Variants in ARHGAP42 observed in about 807,000 individuals in gnomAD.
ARHGAP42 encodes rho GTPase-activating protein 42.
ARHGAP42 carries 63 observed loss-of-function variants against 125.0 expected under a neutral mutation model. That is an observed-to-expected ratio of 0.50 (90% confidence interval 0.41 to 0.62). The LOEUF (loss-of-function observed/expected upper bound fraction) is 0.62. ARHGAP42 is among the 20% of genes least tolerant of loss of function. The probability of loss-of-function intolerance (pLI) is 0.00; values close to 1 mark genes in which losing one functional copy is unlikely to be tolerated. For missense variants in ARHGAP42, 766 were observed against 1,024.2 expected, an observed-to-expected ratio of 0.75 and a Z score of 3.44; for synonymous variants, 339 against 351.0, an observed-to-expected ratio of 0.97 and a Z score of 0.38.
chr11:100,922,036 T>C (rs1206740706), intron 6 of ARHGAP42, among the ~76,000 whole-genome samples: 1 of 152,176 alleles, frequency 6.6e-6, no homozygotes, highest in East Asian at 1.9e-4. Context: ...AACTTCATTC[T>C]TTCCACTCAT....
At chr11:100,768,152 T>TA (rs1452254497) in intron 1 of ARHGAP42, among the ~76,000 whole-genome samples, 2 of 152,112 alleles carry the variant, frequency 1.3e-5, no homozygotes, top group Non-Finnish European at 2.9e-5. Context: ...TTGACATTTG[T>TA]AAAAAAGGTA....
At chr11:100,910,503 A>C (rs1287363053) in intron 4 of ARHGAP42, among the ~76,000 whole-genome samples, 1 of 152,130 alleles carries the variant, frequency 6.6e-6, no homozygotes, top group East Asian at 1.9e-4. Context: ...GAAAACAGTG[A>C]TCATGAACAG....
chr11:100,857,732 C>G (rs1865354079), intron 3 of ARHGAP42, among the ~76,000 whole-genome samples: 1 of 152,084 alleles, frequency 6.6e-6, no homozygotes, highest in African/African-American at 2.4e-5. Flanking sequence ...TGATTCCTCT[C>G]TCTTTCTCCC....
chr11:100,883,224 A>G (rs1297351228), intron 4 of ARHGAP42, among the ~76,000 whole-genome samples: 1 of 152,136 alleles, frequency 6.6e-6, no homozygotes, highest in Admixed American at 6.5e-5. Flanking sequence ...ATCTTTGTAC[A>G]TGCCAGTGTT....
chr11:100,975,940 T>A, intron 19 of ARHGAP42, 117 bp from the exon 20 acceptor site: 3 of 1,197,418 alleles, frequency 2.5e-6, no homozygotes, highest in Non-Finnish European at 3.4e-6. Flanking sequence ...CCTACCACTT[T>A]AATGGGGTCA....
At chr11:100,775,068 A>C (rs1863086140) in intron 2 of ARHGAP42, among the ~76,000 whole-genome samples, 1 of 151,918 alleles carries the variant, frequency 6.6e-6, no homozygotes. Flanking sequence ...TCAAGAGGCC[A>C]TTGCCCTCCC....
intron 4 of ARHGAP42, among the ~76,000 whole-genome samples, chr11:100,888,479 A>T (rs571542255): frequency 4.7e-4 from 71 of 152,258 alleles, no homozygotes; most frequent in African/African-American, 1.4e-3. Context: ...ATATATGTTT[A>T]TGTGTATATT....
At chr11:100,910,188 C>T (rs966574278) in intron 4 of ARHGAP42, among the ~76,000 whole-genome samples, 1 of 152,100 alleles carries the variant, frequency 6.6e-6, no homozygotes, top group Non-Finnish European at 1.5e-5. Context: ...TTTATTTAGA[C>T]AGTAGTTGCC....
chr11:100,940,177 A>G (rs534098123), intron 8 of ARHGAP42, among the ~76,000 whole-genome samples: 1 of 152,316 alleles, frequency 6.6e-6, no homozygotes, highest in South Asian at 2.1e-4. Context: ...TGGCTTAAGT[A>G]TTAAACTCGA....
At chr11:100,730,437 GA>G (rs1821196896) in intron 1 of ARHGAP42, among the ~76,000 whole-genome samples, 1 of 152,220 alleles carries the variant, frequency 6.6e-6, no homozygotes, top group South Asian at 2.1e-4. Context: ...CTCTGACCAA[GA>G]ATGACCTCTT....
At chr11:100,894,879 C>T (rs1282126751) in intron 4 of ARHGAP42, among the ~76,000 whole-genome samples, 3 of 152,132 alleles carry the variant, frequency 2.0e-5, no homozygotes, top group Non-Finnish European at 2.9e-5. Context: ...ATATTCCTAC[C>T]GGTCGATGAC....
At chr11:100,859,458 A>G in intron 3 of ARHGAP42, 96 bp from the exon 4 acceptor site, 1 of 1,002,924 alleles carries the variant, frequency 1.0e-6, no homozygotes, top group Non-Finnish European at 1.4e-6. Context: ...AAAAACAAAA[A>G]CAGTCTATTT....
intron 6 of ARHGAP42, among the ~76,000 whole-genome samples, chr11:100,932,454 T>G (rs988465462): frequency 2.6e-5 from 4 of 152,180 alleles, no homozygotes; most frequent in African/African-American, 9.6e-5. Context: ...ACCTGTGTCC[T>G]GTAATTCCAT....
At chr11:100,923,226 A>G (rs1867328820) in intron 6 of ARHGAP42, among the ~76,000 whole-genome samples, 2 of 152,138 alleles carry the variant, frequency 1.3e-5, no homozygotes, top group Admixed American at 6.6e-5. Context: ...CTTGCTAGCA[A>G]ACTACTTCCC....
chr11:100,878,389 C>T (rs1007518129), intron 4 of ARHGAP42, among the ~76,000 whole-genome samples: 5 of 152,088 alleles, frequency 3.3e-5, no homozygotes, highest in Admixed American at 6.6e-5. Flanking sequence ...TCCTCTCTGC[C>T]GAGTCACCCA....
At chr11:100,902,350 A>G (rs538109172) in intron 4 of ARHGAP42, among the ~76,000 whole-genome samples, 1 of 151,690 alleles carries the variant, frequency 6.6e-6, no homozygotes, top group Admixed American at 6.6e-5. Flanking sequence ...GATGGGAGTC[A>G]TGGTAATATG....
intron 17 of ARHGAP42, among the ~76,000 whole-genome samples, 157 bp from the exon 18 acceptor site, chr11:100,973,018 G>C (rs1858293745): frequency 1.3e-5 from 2 of 151,872 alleles, no homozygotes; most frequent in South Asian, 4.2e-4. Flanking sequence ...ATCTTTTTAG[G>C]CCATACTCCA....
intron 2 of ARHGAP42, among the ~76,000 whole-genome samples, chr11:100,794,533 G>A (rs995364042): frequency 6.6e-6 from 1 of 152,162 alleles, no homozygotes; most frequent in Non-Finnish European, 1.5e-5. Context: ...AGATGCTGAT[G>A]TTAACGCTGA....
chr11:100,787,311 G>A (rs1035327689), intron 2 of ARHGAP42, among the ~76,000 whole-genome samples: 5 of 151,712 alleles, frequency 3.3e-5, no homozygotes, highest in Admixed American at 6.6e-5. Context: ...TCCCCTATGT[G>A]CACTCTATCT....
Sources: allele counts gnomAD v4.1 joint callset (sites outside exome capture counted in the v4.1 genomes callset), GRCh38; gene constraint gnomAD v4.1.1; transcripts MANE v1.5; gene names NCBI Gene and HGNC (gene_info 2026-07-23, HGNC 2026-07-21).